Variants in C22orf23 observed in about 807,000 individuals in gnomAD.
C22orf23 encodes the protein UPF0193 protein EVG1.
A neutral mutation model predicts 29.7 loss-of-function variants in C22orf23; 30 were observed. The ratio of observed to expected loss-of-function variants is 1.01; its 90% CI spans 0.76 to 1.37. The LOEUF is 1.37. Ranked by LOEUF, C22orf23 falls within the 40% of genes most tolerant of loss-of-function variation. C22orf23 has a pLI of 0.00. For missense variants in C22orf23, 237 were observed against 273.1 expected, an observed-to-expected ratio of 0.87 and a Z score of 0.93; for synonymous variants, 90 against 96.1, an observed-to-expected ratio of 0.94 and a Z score of 0.37.
intron 3 of C22orf23, among the ~76,000 whole-genome samples, chr22:37,949,213 T>C (rs2145703425): frequency 6.6e-6 from 1 of 151,670 alleles, no homozygotes; most frequent in Middle Eastern, 3.4e-3. Context: ...TCCAAGTGTG[T>C]CACCTGTCTG....
At chr22:37,944,900 A>C in intron 5 of C22orf23, 142 bp downstream of exon 5, 1 of 767,886 alleles carries the variant, frequency 1.3e-6, no homozygotes, top group Non-Finnish European at 2.0e-6. Context: ...GACTGTCTCA[A>C]AATAAATAAA....
In C22orf23 at chr22:37,952,793, C is replaced by T. The variant is rs1931139012; in HGVS notation, c.103+254G>A. 7.6e-6 allele frequency: 3 copies of T among 395,766 alleles called. 1 individual carries two copies. The South Asian group carries it at 9.0e-5, about 12-fold the overall frequency. The allele number at this position is 395,766 out of a possible 1,614,324, so 24.5% of individuals were successfully genotyped here. On this transcript the variant is annotated intron_variant, in intron 2 of 6. Coordinates refer to ENST00000403305, the MANE Select transcript of C22orf23 (RefSeq NM_032561.5). ...CAGCAGGAGGTGAGCGGCAGGCTAGCGAGCCTCACCGCCTCCTTTCAGGTC... is the reference window on the plus strand; with the variant it reads ...CAGCAGGAGGTGAGCGGCAGGCTAGTGAGCCTCACCGCCTCCTTTCAGGTC...
intron 4 of C22orf23, among the ~76,000 whole-genome samples, chr22:37,945,437 C>T (rs1930638016): frequency 6.6e-6 from 1 of 151,294 alleles, no homozygotes; most frequent in Admixed American, 6.6e-5. Flanking sequence ...TTGCTTAGGA[C>T]CAGGAGTTCA....
intron 4 of C22orf23, among the ~76,000 whole-genome samples, chr22:37,946,827 T>G (rs1169978549): frequency 1.4e-5 from 2 of 143,518 alleles, no homozygotes; most frequent in Admixed American, 1.5e-4. Context: ...TGAGCCGAGA[T>G]AGCACCACTG....
intron 2 of C22orf23, among the ~76,000 whole-genome samples, chr22:37,952,268 C>G (rs1322150223): frequency 6.6e-6 from 1 of 152,066 alleles, no homozygotes; most frequent in South Asian, 2.1e-4. Flanking sequence ...AATTGTGGGC[C>G]GAAACAGGCA....
chr22:37,951,134 C>G (rs1930985434), intron 3 of C22orf23: 1 of 203,346 alleles, frequency 4.9e-6, no homozygotes, highest in Admixed American at 5.4e-5. Flanking sequence ...ATGGCATGAA[C>G]CCGGGAGGCA....
chr22:37,947,264 C>CT lies in C22orf23; in HGVS notation c.349+16dup. On this transcript the variant is annotated intron_variant, in intron 4 of 6. Coordinates refer to ENST00000403305, the MANE Select transcript of C22orf23 (RefSeq NM_032561.5). ...CCAGGGAGATGGAGAAAGGCCCTAG[C>CT]TGAGACCCTCACTTACTGGTGGCTT... 1.9e-6 allele frequency: 3 copies of CT among 1,613,924 alleles called. No individual in the cohort carries two copies. The highest frequency in any genetic ancestry group is 2.5e-6 in the Non-Finnish European group (3 of 1,179,922).
chr22:37,946,167 G>C (rs1411771290), intron 4 of C22orf23, among the ~76,000 whole-genome samples: 1 of 152,024 alleles, frequency 6.6e-6, no homozygotes, highest in Non-Finnish European at 1.5e-5. Flanking sequence ...GCTGAGGCAG[G>C]AGAATGGCGT....
chr22:37,950,166 G>A (rs1315771102), intron 3 of C22orf23, among the ~76,000 whole-genome samples: 1 of 151,902 alleles, frequency 6.6e-6, no homozygotes, highest in African/African-American at 2.4e-5. Context: ...ACACTGGAGT[G>A]CAGTGGTATG....
intron 5 of C22orf23, 192 bp downstream of exon 5, chr22:37,944,850 A>G (rs553009373): frequency 2.8e-4 from 179 of 644,690 alleles, no homozygotes; most frequent in African/African-American, 1.9e-3. Flanking sequence ...CAGTGAGCCC[A>G]GATCACGCCA....
intron 3 of C22orf23, among the ~76,000 whole-genome samples, chr22:37,950,181 C>T (rs928850932): frequency 4.0e-5 from 6 of 151,852 alleles, no homozygotes; most frequent in East Asian, 1.9e-4. Context: ...GGTATGGTCT[C>T]GGCTCGCTGC....
rs574147777 is a variant in C22orf23, at chr22:37,948,642, C to A, written c.167-1179G>T. ...TCTCAAAAAACAAAACAAAATGAAACAAAACAAAACAAGTCAAACAGTACA... is the reference window on the plus strand; with the variant it reads ...TCTCAAAAAACAAAACAAAATGAAAAAAAACAAAACAAGTCAAACAGTACA... On this transcript the variant is annotated intron_variant, in intron 3 of 6. Transcript: ENST00000403305. Among the ~76,000 whole-genome samples the A allele has an allele frequency of 2.6e-5, 4 of 151,896 alleles. No individual in the cohort carries two copies. In the East Asian group the frequency reaches 7.7e-4, roughly 29 times the overall value.
chr22:37,944,627 G>A (rs759822248), intron 5 of C22orf23, 110 bp from the exon 6 acceptor site: 2 of 969,768 alleles, frequency 2.1e-6, no homozygotes, highest in South Asian at 1.5e-5. Flanking sequence ...TAGGCCGGGC[G>A]CGGTGGCTCA....
intron 3 of C22orf23, among the ~76,000 whole-genome samples, chr22:37,950,643 A>C (rs1930956951): frequency 6.6e-6 from 1 of 151,628 alleles, no homozygotes; most frequent in South Asian, 2.1e-4. Flanking sequence ...GCAGTGGCTC[A>C]TGCCTGGAAT....
rs997307604 is a variant in C22orf23 at position 37,943,966 on chromosome 22, G to C, written c.*209C>G. 3.6e-5 allele frequency: 22 copies of C among 608,070 alleles called. No homozygotes were observed. The East Asian group carries it at 4.4e-4, about 12-fold the overall frequency. The allele number at this position is 608,070 out of a possible 1,614,324, so 37.7% of individuals were successfully genotyped here. A position where few individuals can be genotyped will look rare whatever the true frequency, so the allele number is the denominator to read the frequency against. On this transcript the variant is annotated 3_prime_UTR_variant, in exon 7 of 7. Coordinates refer to ENST00000403305, the MANE Select transcript of C22orf23 (RefSeq NM_032561.5). ...GCTCGGGCTTTGCTTCTCTGCGGAC[G>C]GGGCTGTGAGTCTCAGAGGCTCCAT...
chr22:37,943,970 CTG>C lies in C22orf23; in HGVS notation c.*203_*204del. 1 of 614,380 alleles carries C rather than the reference CTG, an allele frequency of 1.6e-6. No homozygotes were observed. The highest frequency in any genetic ancestry group is 2.9e-6 in the Non-Finnish European group (1 of 343,084). The allele number at this position is 614,380 out of a possible 1,614,324, so 38.1% of individuals were successfully genotyped here. On this transcript the variant is annotated 3_prime_UTR_variant, in exon 7 of 7. Transcript: ENST00000403305. ...GGGCTTTGCTTCTCTGCGGACGGGG[CTG>C]TGAGTCTCAGAGGCTCCATCTGCAT...
chr22:37,949,966 T>C (rs1174972285), intron 3 of C22orf23, among the ~76,000 whole-genome samples: 3 of 151,866 alleles, frequency 2.0e-5, no homozygotes, highest in Non-Finnish European at 4.4e-5. Flanking sequence ...GCTTCCTGAG[T>C]AGCTGGGACT....
intron 3 of C22orf23, among the ~76,000 whole-genome samples, chr22:37,947,781 A>T (rs1930791837): frequency 6.7e-6 from 1 of 149,950 alleles, no homozygotes; most frequent in Non-Finnish European, 1.5e-5. Flanking sequence ...CTAGGATTAT[A>T]GGCATGAGCT....
At chr22:37,953,385 G>GT in intron 1 of C22orf23, 63 bp downstream of exon 1, 1 of 575,586 alleles carries the variant, frequency 1.7e-6, no homozygotes, top group South Asian at 2.1e-5. Context: ...TCGGGAGGGA[G>GT]TGTTAACACA....
Sources: allele counts gnomAD v4.1 joint callset (sites outside exome capture counted in the v4.1 genomes callset), GRCh38; gene constraint gnomAD v4.1.1; transcripts MANE v1.5; gene names NCBI Gene and HGNC (gene_info 2026-07-23, HGNC 2026-07-21).